CSF1R: variants seen among roughly 807,000 people sequenced by gnomAD.
CSF1R encodes the protein macrophage colony-stimulating factor 1 receptor.
CSF1R carries 40 observed loss-of-function variants against 110.0 expected under a neutral mutation model. The observed-to-expected ratio is 0.36, with a 90% CI of 0.28 to 0.47. The LOEUF (loss-of-function observed/expected upper bound fraction) is 0.47, where lower values mean the gene tolerates loss of function less well. Ranked by LOEUF, CSF1R falls within the 20% of genes least tolerant of loss-of-function variation. The probability of loss-of-function intolerance (pLI) is 0.99; values close to 1 mark genes in which losing one functional copy is unlikely to be tolerated. For missense variants in CSF1R, 1,052 were observed against 1,253.0 expected (o/e 0.84, Z 2.42); for synonymous variants, 523 against 503.4 (o/e 1.04, Z -0.52).
At chr5:150,091,637 A>T (rs1759043077) in intron 1 of CSF1R, among the ~76,000 whole-genome samples, 1 of 152,056 alleles carries the variant, frequency 6.6e-6, no homozygotes. Flanking sequence ...GCTTATGAGG[A>T]GGTGGTTTTG....
rs751557861 is a variant in CSF1R, at chr5:150,080,069, C to A, written c.575G>T (p.Arg192Leu). ...GGRKVMSISIRLKVQKVIPGP... is the reference protein window; with the variant it reads ...GGRKVMSISILLKVQKVIPGP... ...CCACGCACCTTTCTGCACTTTCAGCCGGATGCTGATGGACATCACCTTCCT... is the reference window on the plus strand; with the variant it reads ...CCACGCACCTTTCTGCACTTTCAGCAGGATGCTGATGGACATCACCTTCCT... Residue 192 changes from arginine (R) to leucine (L), a missense_variant, in exon 3 of 21, where the codon CGG becomes CTG. By Grantham distance (102) the Arg-to-Leu change is moderately radical. Around this residue, in one of 5 missense-constraint regions of CSF1R, gnomAD observed 693 missense variants for 735.4 expected, o/e 0.94. Coordinates refer to ENST00000675795, the MANE Select transcript of CSF1R (RefSeq NM_001288705.3). 2 of 1,613,880 alleles carry A rather than the reference C, an allele frequency of 1.2e-6. No individual in the cohort carries two copies. Among genetic ancestry groups the A allele is most frequent in the Admixed American group, 1.7e-5 (1 of 60,032 alleles).
At chr5:150,088,401 A>AG (rs1201379168), upstream of CSF1R, among the ~76,000 whole-genome samples, 1 of 152,262 alleles carries the variant, frequency 6.6e-6, no homozygotes, top group African/African-American at 2.4e-5. Flanking sequence ...CTATGAAGCC[A>AG]GCATTTTTCT....
At chr5:150,101,034 C>T (rs532380985) in intron 1 of CSF1R, among the ~76,000 whole-genome samples, 4 of 151,634 alleles carry the variant, frequency 2.6e-5, no homozygotes, top group Admixed American at 6.6e-5. Context: ...TTTCAGTACC[C>T]GATCTCTTTG....
intron 6 of CSF1R, 42 bp downstream of exon 6, chr5:150,073,259 T>C (rs373662986): frequency 8.2e-6 from 13 of 1,576,220 alleles, no homozygotes; most frequent in African/African-American, 1.3e-5. Flanking sequence ...GCATACCCCA[T>C]CTGGTTGTCG....
chr5:150,074,098 A>G (rs913068865), intron 5 of CSF1R, among the ~76,000 whole-genome samples: 5 of 152,158 alleles, frequency 3.3e-5, no homozygotes, highest in African/African-American at 9.7e-5. Context: ...TACAAGGCGG[A>G]TAGTCGGAGT....
Position 150,084,343 on chromosome 5 carries a change from AAAAG to A in CSF1R, c.49+2032_49+2035del, listed in dbSNP as rs747780303. Among the ~76,000 whole-genome samples the A allele has an allele frequency of 1.0e-2, 843 of 84,346 alleles. 20 individuals are homozygous for A. Among genetic ancestry groups the A allele is most frequent in the Middle Eastern group, 0.018 (3 of 168 alleles). The allele number at this position is 84,346 out of a possible 152,430, so 55.3% of individuals were successfully genotyped here. Reference sequence around the variant, plus strand: ...AAGACTCGGTCTCAAAAAGATAGAAAAAAGAAAGAAAGAAAGAAAGAAAGAAAGA... The same window carrying A: ...AAGACTCGGTCTCAAAAAGATAGAAAAAAGAAAGAAAGAAAGAAAGAAAGA... On this transcript the variant is annotated intron_variant, in intron 1 of 20. Transcript: ENST00000675795.
rs777119400 is a variant in CSF1R at position 150,073,329 on chromosome 5, C to A, written c.1054G>T (p.Ala352Ser). Residue 352 changes from alanine to serine, a missense_variant, in exon 6 of 21, where the codon GCT (alanine) becomes TCT (serine). This residue lies in a region of CSF1R where 693 missense variants were observed against 735.4 expected (regional missense o/e 0.94). Transcript: ENST00000675795. Reference protein sequence around the residue: ...FSDHQPEPKLANATTKDTYRH... With the variant: ...FSDHQPEPKLSNATTKDTYRH... ...TATGTGTCCTTGGTGGTAGCATTAG[C>A]AAGCTTGGGCTCAGGCTGGTGGTCA... The A allele has an allele frequency of 1.2e-6, 2 of 1,613,796 alleles. No individual in the cohort carries two copies. The highest frequency in any genetic ancestry group is 1.7e-6 in the Non-Finnish European group (2 of 1,179,958).
chr5:150,098,790 A>G (rs1161385255), intron 1 of CSF1R, among the ~76,000 whole-genome samples: 1 of 152,062 alleles, frequency 6.6e-6, no homozygotes, highest in Non-Finnish European at 1.5e-5. Flanking sequence ...ACAAACTAAA[A>G]CCACAATGAA....
At chr5:150,072,736 G>A (rs1758080426) in intron 6 of CSF1R, among the ~76,000 whole-genome samples, 1 of 152,146 alleles carries the variant, frequency 6.6e-6, no homozygotes, top group Non-Finnish European at 1.5e-5. Flanking sequence ...AGAGGGGTGT[G>A]GAGTTATTAT....
rs770940216 is a variant in CSF1R, at chr5:150,069,845, C to T, written c.1510+28G>A. On this transcript the variant is annotated intron_variant, in intron 9 of 20. Transcript: ENST00000675795. The stretch of plus-strand genomic sequence containing the variant: ...CAGGGGCGGGGGGCGGGCGGGGGGG[C>T]GGTGCGGGTGCGAAGGCTCCCTCTC... The T allele has an allele frequency of 1.4e-5, 21 of 1,505,616 alleles. 1 individual carries two copies. In the East Asian group the frequency reaches 1.4e-4, roughly 10 times the overall value. The allele number at this position is 1,505,616 out of a possible 1,614,324, so 93.3% of individuals were successfully genotyped here.
rs754035291 is a variant in CSF1R at position 150,061,695 on chromosome 5, G to A, written c.1753+28C>T. On this transcript the variant is annotated intron_variant, in intron 11 of 20. Transcript: ENST00000675795. Reference sequence around the variant, plus strand: ...ACCCCCACAGGCCCTGTGATAGGAAGCTGTGGAGTGATGAGCTGCCATCTC... The same window carrying A: ...ACCCCCACAGGCCCTGTGATAGGAAACTGTGGAGTGATGAGCTGCCATCTC... The A allele has an allele frequency of 8.7e-6, 14 of 1,614,234 alleles. No homozygotes were observed. In the Middle Eastern group the frequency reaches 4.9e-4, roughly 57 times the overall value.
At chr5:150,090,106 C>T (rs1459878800), upstream of CSF1R, among the ~76,000 whole-genome samples, 1 of 151,990 alleles carries the variant, frequency 6.6e-6, no homozygotes, top group Admixed American at 6.6e-5. Flanking sequence ...ATATTCATGA[C>T]CTTGGAATTG....
At chr5:150,064,784 A>G (rs1039946685) in intron 10 of CSF1R, among the ~76,000 whole-genome samples, 5 of 152,018 alleles carry the variant, frequency 3.3e-5, no homozygotes, top group Admixed American at 3.3e-4. Context: ...GGATTCTCAG[A>G]TTTCTGAATC....
In CSF1R at chr5:150,083,349, AACACACACACACACACACAC is replaced by A. The variant is rs59055324; in HGVS notation, c.50-2345_50-2326del. On this transcript the variant is annotated intron_variant, in intron 1 of 20. Coordinates refer to ENST00000675795, the MANE Select transcript of CSF1R (RefSeq NM_001288705.3). Reference sequence around the variant, plus strand: ...GCCCCAATCTCTACTCTTCTCTCCCAACACACACACACACACACACACACACACACACACACACACACACA... The same window carrying A: ...GCCCCAATCTCTACTCTTCTCTCCCAACACACACACACACACACACACACA... Among the ~76,000 whole-genome samples the A allele has an allele frequency of 2.7e-3, 289 of 106,388 alleles. 3 individuals are homozygous for A. The highest frequency in any genetic ancestry group is 9.5e-3 in the East Asian group (32 of 3,368). The allele number at this position is 106,388 out of a possible 152,430, so 69.8% of individuals were successfully genotyped here. A position where few individuals can be genotyped will look rare whatever the true frequency, so the allele number is the denominator to read the frequency against.
chr5:150,108,730 CAG>C (rs1759622708), intron 1 of CSF1R, among the ~76,000 whole-genome samples: 1 of 152,136 alleles, frequency 6.6e-6, no homozygotes, highest in African/African-American at 2.4e-5. Context: ...AATCTAAAAC[CAG>C]AGACTGTGGA....
At chr5:150,061,931 G>C (rs539586110) in intron 10 of CSF1R, 82 bp from the exon 11 acceptor site, 1 of 1,597,520 alleles carries the variant, frequency 6.3e-7, no homozygotes, top group Non-Finnish European at 8.5e-7. Context: ...AAGAGCAGGG[G>C]TGTGGGCAGT....
At chr5:150,084,875 G>A (rs571875662) in intron 1 of CSF1R, among the ~76,000 whole-genome samples, 1 of 152,338 alleles carries the variant, frequency 6.6e-6, no homozygotes, top group East Asian at 1.9e-4. Context: ...AATCAAACCT[G>A]TGGGACTCTC....
intron 1 of CSF1R, among the ~76,000 whole-genome samples, chr5:150,111,653 C>T (rs1759721426): frequency 6.6e-6 from 1 of 152,170 alleles, no homozygotes; most frequent in Non-Finnish European, 1.5e-5. Context: ...GGTGCTTTAC[C>T]TCCCTGAGTG....
chr5:150,074,444 A>T (rs1758173580), intron 5 of CSF1R, among the ~76,000 whole-genome samples: 1 of 151,570 alleles, frequency 6.6e-6, no homozygotes, highest in Non-Finnish European at 1.5e-5. Flanking sequence ...AGTAGCTGGG[A>T]CAACAGTTGC....
Sources: gnomAD v4.1 joint callset for allele counts (sites outside exome capture counted in the v4.1 genomes callset) on GRCh38, gnomAD v4.1.1 for gene constraint, gnomAD v4.1.1 regional missense constraint, MANE v1.5 for transcripts, NCBI Gene and HGNC (gene_info 2026-07-23, HGNC 2026-07-21) for gene names.